Variants in ANXA4 observed in about 807,000 individuals in gnomAD.
ANXA4 encodes the protein 35-beta calcimedin.
In ANXA4, 39 loss-of-function variants were observed where a neutral mutation model predicts 49.8. That is an observed-to-expected ratio of 0.78 (90% CI 0.61 to 1.02). ANXA4 has a LOEUF of 1.02. Ranked by LOEUF, ANXA4 falls within the 50% of genes least tolerant of loss-of-function variation. The pLI is 0.00. For missense variants in ANXA4, 360 were observed against 410.1 expected, an observed-to-expected ratio of 0.88 and a Z score of 1.05; for synonymous variants, 134 against 152.5, an observed-to-expected ratio of 0.88 and a Z score of 0.89.
At position 69,784,578 on chromosome 2, in the gene ANXA4, T is replaced by C. The variant is rs1267990197; in HGVS notation, c.9+3004T>C. ...TAGAAGAAAAGAAGTAAAGTGCCTC[T>C]GTTAGTTTCTTGAGGCTGCCAAAAT... On this transcript the variant is annotated intron_variant, in intron 2 of 12. Coordinates refer to ENST00000394295, the MANE Select transcript of ANXA4 (RefSeq NM_001153.5). 2.0e-5 allele frequency among the ~76,000 whole-genome samples: 3 copies of C among 152,378 alleles called. No homozygotes were observed. The South Asian group carries it at 6.2e-4, about 32-fold the overall frequency.
chr2:69,801,902 T>A (rs1039198187), intron 3 of ANXA4, among the ~76,000 whole-genome samples: 2 of 152,006 alleles, frequency 1.3e-5, no homozygotes, highest in Non-Finnish European at 2.9e-5. Context: ...GGAAACAACA[T>A]ATGACAGAAT....
At chr2:69,769,213 A>C (rs180998163) in intron 1 of ANXA4, among the ~76,000 whole-genome samples, 2 of 152,304 alleles carry the variant, frequency 1.3e-5, no homozygotes, top group African/African-American at 4.8e-5. Context: ...AGGCCATACA[A>C]CAAAGCAAGG....
intron 2 of ANXA4, among the ~76,000 whole-genome samples, chr2:69,693,502 A>G (rs1678044689): frequency 6.6e-6 from 1 of 152,046 alleles, no homozygotes; most frequent in African/African-American, 2.4e-5. Flanking sequence ...TCAAGAGATA[A>G]GGTGTTTCAC....
intron 2 of ANXA4, among the ~76,000 whole-genome samples, chr2:69,684,653 A>G (rs143829590): frequency 1.3e-5 from 2 of 148,982 alleles, no homozygotes; most frequent in East Asian, 2.0e-4. Context: ...GTGCCACTGT[A>G]CTCCAGCCTG....
intron 12 of ANXA4, among the ~76,000 whole-genome samples, chr2:69,822,029 A>G (rs755361101): frequency 6.6e-6 from 1 of 152,222 alleles, no homozygotes; most frequent in East Asian, 1.9e-4. Flanking sequence ...TGTGAAAAAC[A>G]GTCTGTTACG....
chr2:69,732,247 G>A (rs1670124605), intron 3 of ANXA4, among the ~76,000 whole-genome samples: 2 of 151,374 alleles, frequency 1.3e-5, no homozygotes, highest in Non-Finnish European at 2.9e-5. Flanking sequence ...AAAGTGCTGG[G>A]ATTACAGGCG....
At chr2:69,800,931 T>C (rs1412940445) in intron 3 of ANXA4, among the ~76,000 whole-genome samples, 1 of 151,750 alleles carries the variant, frequency 6.6e-6, no homozygotes, top group Non-Finnish European at 1.5e-5. Context: ...TCCAGAAAAA[T>C]GGGTTACCAA....
At chr2:69,668,469 G>A (rs913974959) in intron 2 of ANXA4, among the ~76,000 whole-genome samples, 1 of 152,112 alleles carries the variant, frequency 6.6e-6, no homozygotes, top group South Asian at 2.1e-4. Context: ...TTTAAAAAAA[G>A]TATGAATTGT....
intron 3 of ANXA4, among the ~76,000 whole-genome samples, chr2:69,800,535 TATAAC>T (rs1673147358): frequency 6.6e-6 from 1 of 152,208 alleles, no homozygotes; most frequent in African/African-American, 2.4e-5. Context: ...TAATTCATAA[TATAAC>T]AGTGACAGGA....
intron 1 of ANXA4, among the ~76,000 whole-genome samples, chr2:69,648,793 C>A (rs530116309): frequency 1.4e-4 from 17 of 122,464 alleles, no homozygotes; most frequent in African/African-American, 5.6e-4. Flanking sequence ...TGCACTCCAT[C>A]TGGGGAGACA....
At chr2:69,673,072 A>C (rs1677250358) in intron 2 of ANXA4, among the ~76,000 whole-genome samples, 1 of 152,182 alleles carries the variant, frequency 6.6e-6, no homozygotes, top group South Asian at 2.1e-4. Flanking sequence ...TGGTGGGAGC[A>C]TAAATTAGTT....
chr2:69,814,342 C>CTTTTTTTT (rs781253870), intron 8 of ANXA4, among the ~76,000 whole-genome samples: 7 of 97,302 alleles, frequency 7.2e-5, no homozygotes, highest in East Asian at 3.2e-4. Flanking sequence ...GTATTTTATT[C>CTTTTTTTT]TTTTTTTTTT....
chr2:69,774,843 C>CT (rs1321429060), intron 1 of ANXA4, among the ~76,000 whole-genome samples: 1 of 152,118 alleles, frequency 6.6e-6, no homozygotes, highest in Non-Finnish European at 1.5e-5. Context: ...CTTAGTGTGG[C>CT]TTTTGTCCAG....
chr2:69,672,568 ATACAT>A (rs1047014771), intron 2 of ANXA4, among the ~76,000 whole-genome samples: 3 of 152,152 alleles, frequency 2.0e-5, no homozygotes, highest in African/African-American at 7.2e-5. Context: ...TATCTAATAA[ATACAT>A]TATAGTATAA....
At chr2:69,740,904 C>G (rs1007925987), upstream of ANXA4, among the ~76,000 whole-genome samples, 57 of 140,834 alleles carry the variant, frequency 4.0e-4, no homozygotes, top group African/African-American at 1.5e-3. Flanking sequence ...ATTGGCCAGG[C>G]TTATCTCGAA....
At chr2:69,656,288 CAT>C (rs1205278952) in intron 2 of ANXA4, among the ~76,000 whole-genome samples, 11 of 89,532 alleles carry the variant, frequency 1.2e-4, no homozygotes, top group African/African-American at 2.2e-4. Context: ...TATATATATA[CAT>C]ATATGTATAT....
At chr2:69,654,363 G>A (rs1023379160) in intron 2 of ANXA4, among the ~76,000 whole-genome samples, 17 of 152,058 alleles carry the variant, frequency 1.1e-4, no homozygotes, top group Admixed American at 4.6e-4. Context: ...GTCTTGTGCC[G>A]GTTTTCAAAG....
chr2:69,806,394 G>A lies in ANXA4; in HGVS notation c.202G>A (p.Asp68Asn). 3 of 1,613,906 alleles carry A rather than the reference G, an allele frequency of 1.9e-6. No individual in the cohort carries two copies. The highest frequency in any genetic ancestry group is 2.5e-6 in the Non-Finnish European group (3 of 1,179,750). The change falls in exon 5 of 13, where the codon GAC becomes AAC. Residue 68 changes from aspartate to asparagine, a missense_variant. Coordinates refer to ENST00000394295, the MANE Select transcript of ANXA4 (RefSeq NM_001153.5). ...CTTTCTTGCATTGCAGGACTTGATA[G>A]ACGACCTGAAGTCAGAACTGAGTGG... ...YKSTIGRDLI[D>N]DLKSELSGNF...
intron 1 of ANXA4, among the ~76,000 whole-genome samples, chr2:69,645,577 T>G (rs1292891676): frequency 6.6e-6 from 1 of 152,228 alleles, no homozygotes; most frequent in Non-Finnish European, 1.5e-5. Context: ...TTTTTACCTT[T>G]CTAGACTTCT....
Sources: gnomAD v4.1 joint callset for allele counts (sites outside exome capture counted in the v4.1 genomes callset) on GRCh38, gnomAD v4.1.1 for gene constraint, MANE v1.5 for transcripts, NCBI Gene and HGNC (gene_info 2026-07-23, HGNC 2026-07-21) for gene names.